Variants in CDH13 observed in about 807,000 individuals in gnomAD.
The protein encoded by CDH13 is cadherin 13.
CDH13 carries 24 observed loss-of-function variants against 63.8 expected under a neutral mutation model. The ratio of observed to expected loss-of-function variants is 0.38; its 90% CI spans 0.27 to 0.53. The LOEUF is 0.53. Among genes scored for constraint, CDH13 ranks in the 20% least tolerant of loss-of-function variants. The pLI is 0.85. For missense variants in CDH13, 1,049 were observed against 903.1 expected (o/e 1.16, Z -2.07); for synonymous variants, 503 against 355.3 (o/e 1.42, Z -4.67).
intron 4 of CDH13, among the ~76,000 whole-genome samples, chr16:83,134,397 C>A (rs2036184735): frequency 6.6e-6 from 1 of 151,932 alleles, no homozygotes; most frequent in African/African-American, 2.4e-5. Flanking sequence ...ACCATGTTAG[C>A]CAGGCTGCTC....
At chr16:83,081,845 G>C (rs1394594816) in intron 3 of CDH13, among the ~76,000 whole-genome samples, 2 of 152,038 alleles carry the variant, frequency 1.3e-5, no homozygotes, top group Non-Finnish European at 2.9e-5. Context: ...TTGTTGTCCA[G>C]GCTGGAGTAC....
At chr16:83,099,073 C>T (rs1318984983) in intron 3 of CDH13, among the ~76,000 whole-genome samples, 1 of 152,010 alleles carries the variant, frequency 6.6e-6, no homozygotes, top group African/African-American at 2.4e-5. Flanking sequence ...TATATATGCA[C>T]ATACACACCC....
chr16:82,898,515 A>T (rs1206253580), intron 2 of CDH13, among the ~76,000 whole-genome samples: 1 of 152,062 alleles, frequency 6.6e-6, no homozygotes, highest in Non-Finnish European at 1.5e-5. Flanking sequence ...ACAGATTGAG[A>T]CTCCATCTCA....
chr16:82,846,382 A>T (rs1426185580), intron 1 of CDH13, among the ~76,000 whole-genome samples: 1 of 152,054 alleles, frequency 6.6e-6, no homozygotes, highest in Non-Finnish European at 1.5e-5. Flanking sequence ...TCAGCTATCA[A>T]TATAAATAAT....
chr16:83,369,496 G>A (rs1310754352), intron 6 of CDH13, among the ~76,000 whole-genome samples: 2 of 152,090 alleles, frequency 1.3e-5, no homozygotes, highest in Admixed American at 6.5e-5. Context: ...ATGGCTCACT[G>A]CAGCATCTAG....
At chr16:82,639,858 A>G (rs755794047) in intron 1 of CDH13, among the ~76,000 whole-genome samples, 1 of 151,864 alleles carries the variant, frequency 6.6e-6, no homozygotes, top group African/African-American at 2.4e-5. Context: ...GTGGACAGAC[A>G]CTCTCTCCCT....
chr16:82,802,844 C>G (rs1025686276), intron 1 of CDH13, among the ~76,000 whole-genome samples: 3 of 152,198 alleles, frequency 2.0e-5, no homozygotes, highest in African/African-American at 7.2e-5. Context: ...CAGCGCTTTT[C>G]CAACAGTCAC....
At chr16:82,858,894 C>A (rs2039813958) in intron 2 of CDH13, 1 of 189,544 alleles carries the variant, frequency 5.3e-6, no homozygotes, top group South Asian at 1.9e-4. Context: ...ATGACATTGG[C>A]TTCTGGGAAT....
intron 5 of CDH13, among the ~76,000 whole-genome samples, chr16:83,285,963 C>T (rs1298001404): frequency 6.6e-6 from 1 of 152,178 alleles, no homozygotes. Flanking sequence ...GGGTTCCTGC[C>T]CATGTCCTGC....
chr16:83,003,920 G>T (rs1277462553), intron 2 of CDH13, among the ~76,000 whole-genome samples: 1 of 152,176 alleles, frequency 6.6e-6, no homozygotes, highest in Non-Finnish European at 1.5e-5. Flanking sequence ...TTGTTTTGGG[G>T]AAAATTCTAA....
In CDH13 at chr16:83,481,651, C is replaced by T. The variant is rs781364972; in HGVS notation, c.782-4826C>T. 3.3e-5 allele frequency among the ~76,000 whole-genome samples: 5 copies of T among 152,178 alleles called. 1 individual carries two copies. Among genetic ancestry groups the T allele is most frequent in the Non-Finnish European group, 7.3e-5 (5 of 68,044 alleles). ...TCGGCAAAAGAAAATGACGGCCCAA[C>T]TTGAGACTTTCAACCAGGAACCTGG... On this transcript the variant is annotated intron_variant, in intron 6 of 13. Transcript: ENST00000567109.
intron 2 of CDH13, chr16:82,858,782 C>CTTTGCACAGTGTACAA: frequency 4.7e-6 from 2 of 424,796 alleles, no homozygotes; most frequent in Non-Finnish European, 4.2e-6. Flanking sequence ...AATTCATTTC[C>CTTTGCACAGTGTACAA]CCTGGGCAGA....
chr16:83,475,050 G>C (rs932567126), intron 6 of CDH13, among the ~76,000 whole-genome samples: 5 of 152,208 alleles, frequency 3.3e-5, no homozygotes, highest in African/African-American at 1.2e-4. Context: ...CTGGCTCCTG[G>C]CTCTTGACCA....
In CDH13 at chr16:83,548,726, C is replaced by CT. The variant is rs568148972; in HGVS notation, c.961-53719dup. On this transcript the variant is annotated intron_variant, in intron 7 of 13. Transcript: ENST00000567109. ...TTTTCACCATCCCCCACAAGGCAGC[C>CT]TTTTTTTTTCTCTGTTAATGAAGTT... 6.6e-3 allele frequency among the ~76,000 whole-genome samples: 997 copies of CT among 151,404 alleles called. 5 individuals are homozygous for CT. The highest frequency in any genetic ancestry group is 0.02 in the Middle Eastern group (6 of 294).
intron 1 of CDH13, among the ~76,000 whole-genome samples, chr16:82,852,698 G>T (rs1187212798): frequency 6.6e-6 from 1 of 152,202 alleles, no homozygotes. Flanking sequence ...ATGCCTAGAT[G>T]TCCAAGCAAG....
At chr16:83,292,274 A>G (rs941312726) in intron 5 of CDH13, among the ~76,000 whole-genome samples, 1 of 152,176 alleles carries the variant, frequency 6.6e-6, no homozygotes, top group African/African-American at 2.4e-5. Context: ...GGACTCTTAG[A>G]AGTGGCTTCA....
At chr16:83,474,944 G>A (rs141141765) in intron 6 of CDH13, among the ~76,000 whole-genome samples, 502 of 152,346 alleles carry the variant, frequency 3.3e-3, no homozygotes, top group African/African-American at 0.012. Context: ...GAAAAGGAAG[G>A]CATGTGCATT....
At chr16:82,946,669 C>A (rs1386106668) in intron 2 of CDH13, among the ~76,000 whole-genome samples, 1 of 151,526 alleles carries the variant, frequency 6.6e-6, no homozygotes, top group East Asian at 1.9e-4. Flanking sequence ...TGCAGTGAGC[C>A]AAGATCACAC....
At chr16:83,454,164 A>G (rs1250577074) in intron 6 of CDH13, among the ~76,000 whole-genome samples, 1 of 152,266 alleles carries the variant, frequency 6.6e-6, no homozygotes, top group Non-Finnish European at 1.5e-5. Flanking sequence ...AAACAGGTAT[A>G]TTAAGGGGTG....
Sources: gnomAD v4.1 joint callset for allele counts (sites outside exome capture counted in the v4.1 genomes callset) on GRCh38, gnomAD v4.1.1 for gene constraint, MANE v1.5 for transcripts, NCBI Gene and HGNC (gene_info 2026-07-23, HGNC 2026-07-21) for gene names.